The following XKR9 variants were observed in gnomAD, a reference collection of about 807,000 sequenced individuals.
XKR9 encodes XK related 9.
Under a neutral mutation model 32.0 loss-of-function variants are expected in XKR9, and 32 were observed. That is an observed-to-expected ratio of 1.00 (90% CI 0.76 to 1.34). The LOEUF (loss-of-function observed/expected upper bound fraction) is 1.34. XKR9 is among the 40% of genes most tolerant of loss of function. The pLI is 0.00. For missense variants in XKR9, 546 were observed against 429.7 expected (o/e 1.27, Z -2.39); for synonymous variants, 168 against 143.4 (o/e 1.17, Z -1.22).
At chr8:70,739,222 A>G (rs747123521), downstream of XKR9, among the ~76,000 whole-genome samples, 8 of 152,114 alleles carry the variant, frequency 5.3e-5, no homozygotes, top group Non-Finnish European at 1.2e-4. Context: ...CCATTAAGTA[A>G]TGGCCTTCTT....
At chr8:70,781,627 A>G (rs569451181) in intron 2 of XKR9, among the ~76,000 whole-genome samples, 2 of 150,452 alleles carry the variant, frequency 1.3e-5, no homozygotes, top group African/African-American at 4.9e-5. Context: ...GATAATAGCC[A>G]TTCTAACTGG....
At chr8:70,861,964 C>T in the XKR9 span, among the ~76,000 whole-genome samples, 31 of 152,186 alleles carry the variant, frequency 2.0e-4, no homozygotes, top group African/African-American at 7.0e-4. Context: ...TTTAACTTAT[C>T]TATTTTACTG....
At chr8:70,942,383 C>T in the XKR9 span, among the ~76,000 whole-genome samples, 12 of 152,244 alleles carry the variant, frequency 7.9e-5, no homozygotes, top group East Asian at 2.3e-3. Context: ...ATTACCCTTG[C>T]AGCATGATGT....
chr8:70,789,626 C>T (rs906111448), intron 3 of XKR9, among the ~76,000 whole-genome samples: 1 of 152,048 alleles, frequency 6.6e-6, no homozygotes, highest in African/African-American at 2.4e-5. Context: ...TTGAAATTTA[C>T]ACTTTTCTAA....
At chr8:71,010,553 C>A in the XKR9 span, among the ~76,000 whole-genome samples, 1 of 152,092 alleles carries the variant, frequency 6.6e-6, no homozygotes, top group Non-Finnish European at 1.5e-5. Flanking sequence ...TGTTCAGAGA[C>A]CTTGTAGCTG....
At chr8:70,756,876 T>G (rs1807233601) in intron 2 of XKR9, among the ~76,000 whole-genome samples, 1 of 152,154 alleles carries the variant, frequency 6.6e-6, no homozygotes, top group Non-Finnish European at 1.5e-5. Flanking sequence ...ATCCTCAGTA[T>G]AAGGTCAAAT....
chr8:70,807,802 A>T, the XKR9 span, among the ~76,000 whole-genome samples: 1 of 152,238 alleles, frequency 6.6e-6, no homozygotes, highest in East Asian at 1.9e-4. Context: ...AGACTCCCAC[A>T]CAATAATAGT....
chr8:70,861,609 T>C, the XKR9 span, among the ~76,000 whole-genome samples: 14 of 152,170 alleles, frequency 9.2e-5, no homozygotes, highest in African/African-American at 3.4e-4. Flanking sequence ...TGAGCTATGA[T>C]TGTGTCACTG....
the XKR9 span, among the ~76,000 whole-genome samples, chr8:71,055,115 A>G: frequency 6.1e-4 from 93 of 152,236 alleles, no homozygotes; most frequent in Non-Finnish European, 1.1e-3. Context: ...ACAGGTTTTA[A>G]TCTTTAATAT....
At chr8:70,834,222 T>C in the XKR9 span, among the ~76,000 whole-genome samples, 1 of 152,106 alleles carries the variant, frequency 6.6e-6, no homozygotes, top group African/African-American at 2.4e-5. Flanking sequence ...TAATATATTC[T>C]TTTACAACTT....
chr8:70,809,215 C>T, the XKR9 span, among the ~76,000 whole-genome samples: 1 of 152,210 alleles, frequency 6.6e-6, no homozygotes, highest in East Asian at 1.9e-4. Context: ...CAAACTCCAA[C>T]AGACCTGCAG....
Position 70,735,124 on chromosome 8 carries a change from A to C in XKR9, c.*700A>C, listed in dbSNP as rs1806822573. On this transcript the variant is annotated 3_prime_UTR_variant, in exon 5 of 5. Coordinates refer to ENST00000408926, the MANE Select transcript of XKR9 (RefSeq NM_001011720.2). ...TTAAAAAATTATGGTAAAAACATAT[A>C]AAATTTACCATCTTAATCACTTTGA... The C allele has an allele frequency of 6.6e-6, 1 of 152,110 alleles. No individual in the cohort carries two copies. The highest frequency in any genetic ancestry group is 1.5e-5 in the Non-Finnish European group (1 of 68,030). 9.4% of individuals were successfully genotyped at this position (152,110 alleles called of 1,614,324 possible).
chr8:71,019,758 T>C, the XKR9 span, among the ~76,000 whole-genome samples: 2 of 152,212 alleles, frequency 1.3e-5, no homozygotes, highest in Non-Finnish European at 2.9e-5. Flanking sequence ...TGGACGGATG[T>C]TATCCATTAA....
At chr8:70,818,084 C>T in the XKR9 span, among the ~76,000 whole-genome samples, 1 of 152,134 alleles carries the variant, frequency 6.6e-6, no homozygotes. Flanking sequence ...TTAAAAGCAA[C>T]TGCAGCAAGA....
intron 2 of XKR9, among the ~76,000 whole-genome samples, chr8:70,770,636 A>C (rs1480862354): frequency 2.0e-5 from 3 of 152,176 alleles, no homozygotes; most frequent in African/African-American, 4.8e-5. Context: ...CTAGAGAGGC[A>C]ATCTGGCTAC....
At chr8:70,957,857 G>A in the XKR9 span, among the ~76,000 whole-genome samples, 2 of 133,260 alleles carry the variant, frequency 1.5e-5, no homozygotes, top group African/African-American at 5.6e-5. Flanking sequence ...GCATGATCTC[G>A]GCTCACTGCA....
At chr8:71,002,793 G>T in the XKR9 span, among the ~76,000 whole-genome samples, 1 of 152,168 alleles carries the variant, frequency 6.6e-6, no homozygotes, top group South Asian at 2.1e-4. Context: ...CTGTTGATTT[G>T]ATTGCCATGT....
At chr8:70,747,472 G>T (rs928894478) in intron 2 of XKR9, among the ~76,000 whole-genome samples, 2 of 152,174 alleles carry the variant, frequency 1.3e-5, no homozygotes, top group Non-Finnish European at 2.9e-5. Flanking sequence ...AGAAGTAGAA[G>T]AGAGACCTGA....
the XKR9 span, among the ~76,000 whole-genome samples, chr8:70,811,946 C>T: frequency 6.6e-6 from 1 of 152,024 alleles, no homozygotes; most frequent in African/African-American, 2.4e-5. Context: ...TTTTATGAGG[C>T]CAGCATCATC....
Sources: allele counts gnomAD v4.1 joint callset (sites outside exome capture counted in the v4.1 genomes callset), GRCh38; gene constraint gnomAD v4.1.1; transcripts MANE v1.5; gene names NCBI Gene and HGNC (gene_info 2026-07-23, HGNC 2026-07-21).